Variants in CAND1 observed in about 807,000 individuals in gnomAD.
CAND1 encodes cullin-associated NEDD8-dissociated protein 1.
Under a neutral mutation model 108.5 loss-of-function variants are expected in CAND1, and 7 were observed. That is an observed-to-expected ratio of 0.06 (90% confidence interval 0.04 to 0.12). The LOEUF (loss-of-function observed/expected upper bound fraction) is 0.12. Ranked by LOEUF, CAND1 falls within the 10% of genes least tolerant of loss-of-function variation. The pLI, the probability that CAND1 is intolerant of heterozygous loss-of-function variation, is 1.00. For synonymous variants in CAND1, 534 were observed against 512.0 expected, an observed-to-expected ratio of 1.04 and a Z score of -0.58; for missense variants, 941 against 1,448.7, an observed-to-expected ratio of 0.65 and a Z score of 5.69.
At position 67,306,214 on chromosome 12, in the gene CAND1, T is replaced by C. The variant is rs1019008060; in HGVS notation, c.2546T>C (p.Ile849Thr). ...LLSLGEVGHH[I>T]DLSGQLELKS... ...TCTCTTGGAGAAGTTGGGCATCATA[T>C]TGACTTAAGTGGACAGTTGGAACTA... is the stretch of plus-strand genomic sequence containing the variant. Residue 849 changes from isoleucine to threonine, a missense_variant, in exon 10 of 15, where the codon ATT becomes ACT. By Grantham distance (89) the Ile-to-Thr change is moderately conservative. Coordinates refer to ENST00000545606, the MANE Select transcript of CAND1 (RefSeq NM_018448.5). 3.7e-6 allele frequency: 6 copies of C among 1,614,168 alleles called. 2 individuals are homozygous for C. In the Admixed American group the frequency reaches 6.7e-5, roughly 18 times the overall value.
intron 2 of CAND1, among the ~76,000 whole-genome samples, chr12:67,285,103 G>A (rs1315140447): frequency 6.6e-6 from 1 of 152,162 alleles, no homozygotes; most frequent in East Asian, 1.9e-4. Flanking sequence ...AGATACAATA[G>A]AAAGGAACAC....
chr12:67,288,235 G>A (rs745541868), intron 2 of CAND1, among the ~76,000 whole-genome samples: 5 of 150,880 alleles, frequency 3.3e-5, no homozygotes, highest in Non-Finnish European at 7.4e-5. Flanking sequence ...AGATTCAAGC[G>A]ATTCTCAGAC....
At position 67,297,452 on chromosome 12, in the gene CAND1, T is replaced by C. The variant is rs755924756; in HGVS notation, c.537T>C (p.Cys179=). The change falls in exon 5 of 15, where the codon TGT becomes TGC. Residue 179 remains cysteine, a synonymous_variant. Coordinates refer to ENST00000545606, the MANE Select transcript of CAND1 (RefSeq NM_018448.5). ...ATTTCCATCCTTCAATTCTGACCTG[T>C]CTACTTCCCCAGTTGACCAGCCCTA... ...LVNFHPSILT[C]LLPQLTSPRL... 3 of 1,613,944 alleles carry C rather than the reference T, an allele frequency of 1.9e-6. No homozygotes were observed. In the Admixed American group the frequency reaches 5.0e-5, roughly 27 times the overall value.
rs763978851 is a variant in CAND1 at position 67,297,763 on chromosome 12, A to G, written c.764A>G (p.Lys255Arg). 20 of 1,606,808 alleles carry G rather than the reference A, an allele frequency of 1.2e-5. No homozygotes were observed. The highest frequency in any genetic ancestry group is 1.5e-5 in the Non-Finnish European group (18 of 1,175,064). Residue 255 changes from lysine to arginine, a missense_variant, in exon 6 of 15, where the codon AAG becomes AGG. Around this residue, in one of 9 missense-constraint regions of CAND1, gnomAD observed 697 missense variants for 942.0 expected, o/e 0.74. Coordinates refer to ENST00000545606, the MANE Select transcript of CAND1 (RefSeq NM_018448.5). ...CTTTTCTTAGGTGAATACCTTGAGA[A>G]GATAATTCCTTTGGTGGTAAAATTT... is the stretch of plus-strand genomic sequence containing the variant. ...AGHRIGEYLE[K>R]IIPLVVKFCN...
intron 1 of CAND1, among the ~76,000 whole-genome samples, chr12:67,274,210 T>C (rs895019358): frequency 2.0e-5 from 3 of 152,160 alleles, no homozygotes; most frequent in African/African-American, 7.2e-5. Flanking sequence ...ACAAAAAGTT[T>C]AAGATCTGGT....
At chr12:67,272,625 G>A (rs2135986927) in intron 1 of CAND1, among the ~76,000 whole-genome samples, 1 of 152,318 alleles carries the variant, frequency 6.6e-6, no homozygotes, top group African/African-American at 2.4e-5. Context: ...AAATGGGGAA[G>A]CATTAGGATG....
At chr12:67,286,095 C>T (rs988094691) in intron 2 of CAND1, among the ~76,000 whole-genome samples, 1 of 152,162 alleles carries the variant, frequency 6.6e-6, no homozygotes, top group African/African-American at 2.4e-5. Flanking sequence ...GCAAGCTCTG[C>T]CTCCCGGGTT....
rs2044884333 is a variant in CAND1, at chr12:67,306,296, A to G, written c.2628A>G (p.Ala876=). 5 of 1,614,148 alleles carry G rather than the reference A, an allele frequency of 3.1e-6. No individual in the cohort carries two copies. Among genetic ancestry groups the G allele is most frequent in the Non-Finnish European group, 4.2e-6 (5 of 1,179,996 alleles). ...CTAGTGAAGAAGTCAAATCAGCTGC[A>G]TCCTATGCATTAGGCAGCATTAGTG... ...SSPSEEVKSA[A]SYALGSISVG... is the part of the protein sequence containing the mutation. The change falls in exon 10 of 15, where the codon GCA becomes GCG. Residue 876 remains alanine, a synonymous_variant. Transcript: ENST00000545606.
At chr12:67,277,287 C>A (rs1252406) in intron 1 of CAND1, among the ~76,000 whole-genome samples, 113,186 of 152,132 alleles carry the variant, frequency 0.74, 43,060 homozygotes, top group African/African-American at 0.9. Flanking sequence ...ATTAGTTTCT[C>A]TGAGTCCTGA....
Position 67,305,551 on chromosome 12 carries a change from C to T in CAND1, c.1883C>T (p.Thr628Ile), listed in dbSNP as rs1381105733. ...RLKNEITRLT[T>I]VKALTLIAGS... ...AAGAATGAAATTACCAGGTTAACTA[C>T]AGTAAAGGCATTGACACTGATTGCT... Residue 628 changes from threonine to isoleucine, a missense_variant, in exon 10 of 15, where the codon ACA becomes ATA. By Grantham distance (89) the Thr-to-Ile change is moderately conservative (BLOSUM62 -1). Transcript: ENST00000545606. This position sits in a 1 kb window ranked among gnomAD's most constrained non-coding sequence, Gnocchi z 4.4. 6.2e-7 allele frequency: 1 copy of T among 1,614,078 alleles called. No individual in the cohort carries two copies. The highest frequency in any genetic ancestry group is 1.1e-5 in the South Asian group (1 of 91,084).
At chr12:67,270,678 A>G (rs2044512459) in intron 1 of CAND1, 1 of 151,852 alleles carries the variant, frequency 6.6e-6, no homozygotes, top group African/African-American at 2.4e-5. Context: ...ATATTTTTAC[A>G]GGTTATCTTT....
At chr12:67,283,454 A>T (rs565207604) in intron 2 of CAND1, among the ~76,000 whole-genome samples, 1 of 152,140 alleles carries the variant, frequency 6.6e-6, no homozygotes, top group South Asian at 2.1e-4. Flanking sequence ...ATGGTGGTGC[A>T]TGCCTGTAAT....
At chr12:67,274,621 A>T (rs2044552583) in intron 1 of CAND1, among the ~76,000 whole-genome samples, 1 of 152,196 alleles carries the variant, frequency 6.6e-6, no homozygotes, top group African/African-American at 2.4e-5. Context: ...GGATTTTAGG[A>T]ACCTCCAGAA....
chr12:67,291,865 C>T (rs777723709), intron 2 of CAND1, among the ~76,000 whole-genome samples: 2 of 151,940 alleles, frequency 1.3e-5, no homozygotes, highest in African/African-American at 4.8e-5. Context: ...CCTAATTCGC[C>T]TATTGATTGA....
At position 67,269,617 on chromosome 12, in the gene CAND1, G is replaced by C; in HGVS notation, c.-101G>C. ...CGCTGCGACCCTGGAAGCGGGAGCCGCCGCGAGCGAGAGGAGGAGCTCCAG... is the reference window on the plus strand; with the variant it reads ...CGCTGCGACCCTGGAAGCGGGAGCCCCCGCGAGCGAGAGGAGGAGCTCCAG... On this transcript the variant is annotated 5_prime_UTR_variant, in exon 1 of 15. Transcript: ENST00000545606. 2 of 1,043,466 alleles carry C rather than the reference G, an allele frequency of 1.9e-6. No homozygotes were observed. Among genetic ancestry groups the C allele is most frequent in the East Asian group, 2.8e-5 (1 of 35,430 alleles). 64.6% of individuals were successfully genotyped at this position (1,043,466 alleles called of 1,614,324 possible).
intron 4 of CAND1, among the ~76,000 whole-genome samples, chr12:67,295,570 C>G (rs2044761641): frequency 6.6e-6 from 1 of 152,086 alleles, no homozygotes; most frequent in Non-Finnish European, 1.5e-5. Context: ...GAGGGAGGAC[C>G]TTGGCTTTTA....
rs1327655328 is a variant in CAND1 at position 67,315,673 on chromosome 12, G to A, written c.*2843G>A. 7.2e-6 allele frequency: 1 copy of A among 139,658 alleles called. No individual in the cohort carries two copies. Among genetic ancestry groups the A allele is most frequent in the African/African-American group, 3.3e-5 (1 of 30,098 alleles). The allele number at this position is 139,658 out of a possible 1,614,324, so 8.7% of individuals were successfully genotyped here. A position where few individuals can be genotyped will look rare whatever the true frequency, so the allele number is the denominator to read the frequency against. ...GTTTGAATATTTACATAATTTTTAT[G>A]TAACCATAATTAAACCAAATTAGTC... On this transcript the variant is annotated 3_prime_UTR_variant, in exon 15 of 15. Coordinates refer to ENST00000545606, the MANE Select transcript of CAND1 (RefSeq NM_018448.5).
In CAND1 at chr12:67,291,945, ACCTCCG is replaced by A. The variant is rs555687129; in HGVS notation, c.213-671_213-666del. Among the ~76,000 whole-genome samples, 21 of 152,216 alleles carry A rather than the reference ACCTCCG, an allele frequency of 1.4e-4. No individual in the cohort carries two copies. The South Asian group carries it at 4.4e-3, about 32-fold the overall frequency. ...AGTGGTACAATCTCGGCTCACTGCA[ACCTCCG>A]CCTCCTGGGTTTAAGCAATTCTTGT... is the stretch of plus-strand genomic sequence containing the variant. On this transcript the variant is annotated intron_variant, in intron 2 of 14. Coordinates refer to ENST00000545606, the MANE Select transcript of CAND1 (RefSeq NM_018448.5).
intron 2 of CAND1, 82 bp downstream of exon 2, chr12:67,282,135 A>T: frequency 7.1e-7 from 1 of 1,399,370 alleles, no homozygotes; most frequent in Non-Finnish European, 1.0e-6. Context: ...GTAGTAAATT[A>T]TCTTAGCCTT....
Sources: gnomAD v4.1 joint callset for allele counts (sites outside exome capture counted in the v4.1 genomes callset) on GRCh38, gnomAD v4.1.1 for gene constraint, gnomAD v4.1.1 regional missense constraint, Gnocchi (gnomAD v3.1) non-coding constraint, MANE v1.5 for transcripts, NCBI Gene and HGNC (gene_info 2026-07-23, HGNC 2026-07-21) for gene names.